MALRD1: variants seen among roughly 807,000 people sequenced by gnomAD.
The protein encoded by MALRD1 is MAM and LDL receptor class A domain containing 1.
In MALRD1, 247 loss-of-function variants were observed where a neutral mutation model predicts 242.1. The ratio of observed to expected loss-of-function variants is 1.02; its 90% CI spans 0.92 to 1.13. The LOEUF is 1.13. Among genes scored for constraint, MALRD1 ranks in the 50% most tolerant of loss-of-function variants. The probability of loss-of-function intolerance (pLI) is 0.00; values close to 1 mark genes in which losing one functional copy is unlikely to be tolerated. For synonymous variants in MALRD1, 995 were observed against 866.6 expected, an observed-to-expected ratio of 1.15 and a Z score of -2.60; for missense variants, 2,989 against 2,533.1, an observed-to-expected ratio of 1.18 and a Z score of -3.86.
chr10:19,055,619 A>C (rs1042836418), intron 1 of MALRD1, among the ~76,000 whole-genome samples: 1 of 152,186 alleles, frequency 6.6e-6, no homozygotes, highest in Admixed American at 6.5e-5. Flanking sequence ...CTTCATCTGC[A>C]TATGGATGTC....
intron 16 of MALRD1, among the ~76,000 whole-genome samples, chr10:19,204,690 A>T (rs1836710666): frequency 6.6e-6 from 1 of 152,160 alleles, no homozygotes; most frequent in South Asian, 2.1e-4. Flanking sequence ...GAGCTCCTTG[A>T]GACAAGTTCC....
chr10:19,348,019 G>A lies in MALRD1; in HGVS notation c.4149+1G>A, dbSNP rs1330681714. 3.2e-6 allele frequency: 5 copies of A among 1,548,600 alleles called. No individual in the cohort carries two copies. The Admixed American group carries it at 5.9e-5, about 18-fold the overall frequency. On this transcript the variant is annotated splice_donor_variant, in intron 25 of 39. Transcript: ENST00000454679. LOFTEE classifies it high-confidence loss of function. ...AAGTAAGAGAAGCAAAAACTGCAAG[G>A]TATGGGGAAAATCGAACCAACCAAC... is the stretch of plus-strand genomic sequence containing the variant.
chr10:19,107,171 A>G (rs1836492599), intron 5 of MALRD1, among the ~76,000 whole-genome samples: 1 of 151,934 alleles, frequency 6.6e-6, no homozygotes, highest in South Asian at 2.1e-4. Flanking sequence ...TTTAAATATC[A>G]TGTTTCTTTG....
chr10:19,549,312 C>A (rs916105281), intron 32 of MALRD1, among the ~76,000 whole-genome samples: 2 of 152,214 alleles, frequency 1.3e-5, no homozygotes, highest in Non-Finnish European at 2.9e-5. Flanking sequence ...GGATTGACTT[C>A]AGTTTTGAAA....
intron 1 of MALRD1, among the ~76,000 whole-genome samples, chr10:19,061,534 G>C (rs929688794): frequency 1.3e-5 from 2 of 152,064 alleles, no homozygotes; most frequent in Non-Finnish European, 2.9e-5. Context: ...AACACTTCCT[G>C]ATTTCAAAAC....
At chr10:19,337,164 A>G (rs565732752) in intron 24 of MALRD1, among the ~76,000 whole-genome samples, 1 of 151,784 alleles carries the variant, frequency 6.6e-6, no homozygotes, top group African/African-American at 2.4e-5. Context: ...GTGTATATGT[A>G]CATACTTAAC....
intron 34 of MALRD1, among the ~76,000 whole-genome samples, chr10:19,601,801 T>C (rs1392346079): frequency 6.6e-6 from 1 of 151,888 alleles, no homozygotes; most frequent in Non-Finnish European, 1.5e-5. Flanking sequence ...AGAGGAAGGG[T>C]TCAAAATATA....
chr10:19,516,445 C>T lies in MALRD1; in HGVS notation c.5321-14749C>T, dbSNP rs577467151. ...ATAGCTTTTATTTGAAAATTTAAACCGTGTTTCAAGTACAATAATATGAAA... is the reference window on the plus strand; with the variant it reads ...ATAGCTTTTATTTGAAAATTTAAACTGTGTTTCAAGTACAATAATATGAAA... On this transcript the variant is annotated intron_variant, in intron 31 of 39. Coordinates refer to ENST00000454679, the MANE Select transcript of MALRD1 (RefSeq NM_001142308.3). 9.2e-5 allele frequency among the ~76,000 whole-genome samples: 14 copies of T among 152,034 alleles called. No homozygotes were observed. In the South Asian group the frequency reaches 1.0e-3, roughly 11 times the overall value.
chr10:19,106,228 A>G (rs10826951), intron 5 of MALRD1, among the ~76,000 whole-genome samples: 82,466 of 151,248 alleles, frequency 0.55, 22,599 homozygotes, highest in African/African-American at 0.59. Context: ...TTTGTTTTTA[A>G]CTCTCACATA....
At chr10:19,382,047 T>C (rs1005879869) in intron 26 of MALRD1, among the ~76,000 whole-genome samples, 1 of 152,108 alleles carries the variant, frequency 6.6e-6, no homozygotes, top group Non-Finnish European at 1.5e-5. Flanking sequence ...TTATAGATAA[T>C]TGAACTTCAA....
intron 18 of MALRD1, among the ~76,000 whole-genome samples, chr10:19,257,090 C>T (rs72796422): frequency 0.079 from 11,985 of 152,130 alleles, 608 homozygotes; most frequent in Non-Finnish European, 0.11. Context: ...TCTGGTGGAA[C>T]TGCCGCTCCT....
chr10:19,415,158 G>A (rs1288717930), intron 28 of MALRD1, among the ~76,000 whole-genome samples: 1 of 152,012 alleles, frequency 6.6e-6, no homozygotes, highest in African/African-American at 2.4e-5. Context: ...CAATACATAG[G>A]ACAGACAAAA....
chr10:19,204,331 A>T lies in MALRD1; in HGVS notation c.2128A>T (p.Lys710Ter). 6.5e-7 allele frequency: 1 copy of T among 1,546,708 alleles called. No individual in the cohort carries two copies. The highest frequency in any genetic ancestry group is 8.7e-7 in the Non-Finnish European group (1 of 1,145,696). The change falls in exon 16 of 40, where the codon AAA becomes TAA. Residue 710 changes from lysine (K) to a stop codon, truncating the protein, a stop_gained. Coordinates refer to ENST00000454679, the MANE Select transcript of MALRD1 (RefSeq NM_001142308.3). LOFTEE classifies it high-confidence loss of function. The part of the protein sequence containing the change: ...SQGHFMFILK[K>*]SSSLWQVAKL... ...AGGGCATTTTATGTTCATTCTGAAG[A>T]AAAGCAGCAGCTTGTGGCAAGTTGC... is the stretch of plus-strand genomic sequence containing the variant.
At chr10:19,275,812 T>G (rs372870271) in intron 19 of MALRD1, among the ~76,000 whole-genome samples, 1 of 152,332 alleles carries the variant, frequency 6.6e-6, no homozygotes, top group East Asian at 1.9e-4. Flanking sequence ...ATTTAGCTGT[T>G]TATTGAAGTT....
chr10:19,253,509 T>A (rs1275078641), intron 18 of MALRD1, among the ~76,000 whole-genome samples: 1 of 151,986 alleles, frequency 6.6e-6, no homozygotes, highest in Non-Finnish European at 1.5e-5. Context: ...GCTCCAGGAC[T>A]GCCCCCATGT....
At chr10:19,340,845 G>T (rs1843815671) in intron 24 of MALRD1, among the ~76,000 whole-genome samples, 1 of 152,020 alleles carries the variant, frequency 6.6e-6, no homozygotes, top group East Asian at 1.9e-4. Flanking sequence ...CTTAAATTTT[G>T]GTCTAGAGAG....
In MALRD1 at chr10:19,469,285, T is replaced by A. The variant is rs1836377834; in HGVS notation, c.5029+18795T>A. On this transcript the variant is annotated intron_variant, in intron 29 of 39. Transcript: ENST00000454679. ...TGTCTTTGGGAAATTTTTTATGTGT[T>A]CTTGTCGAATTACATACTTTTCTCT... 2.0e-5 allele frequency among the ~76,000 whole-genome samples: 3 copies of A among 152,290 alleles called. No individual in the cohort carries two copies. The South Asian group carries it at 6.2e-4, about 32-fold the overall frequency.
At chr10:19,601,971 C>T (rs912831134) in intron 34 of MALRD1, among the ~76,000 whole-genome samples, 3 of 151,766 alleles carry the variant, frequency 2.0e-5, no homozygotes, top group Non-Finnish European at 2.9e-5. Context: ...TGTATATATA[C>T]ACAAATATAT....
At chr10:19,532,318 G>T (rs532278238) in intron 32 of MALRD1, among the ~76,000 whole-genome samples, 1 of 152,100 alleles carries the variant, frequency 6.6e-6, no homozygotes, top group East Asian at 1.9e-4. Context: ...GCAGTGGTGC[G>T]ATCTCAGTTC....
Sources: allele counts gnomAD v4.1 joint callset (sites outside exome capture counted in the v4.1 genomes callset), GRCh38; gene constraint gnomAD v4.1.1; transcripts MANE v1.5; gene names NCBI Gene and HGNC (gene_info 2026-07-23, HGNC 2026-07-21).